ZNF365: variants seen among roughly 807,000 people sequenced by gnomAD.
ZNF365 encodes the protein protein ZNF365.
In ZNF365, 22 loss-of-function variants were observed where a neutral mutation model predicts 35.0. That is an observed-to-expected ratio of 0.63 (90% CI 0.45 to 0.90). ZNF365 has a LOEUF of 0.90. Among genes scored for constraint, ZNF365 ranks in the 40% least tolerant of loss-of-function variants. The pLI is 0.00. For synonymous variants in ZNF365, 188 were observed against 196.2 expected, an observed-to-expected ratio of 0.96 and a Z score of 0.35; for missense variants, 448 against 500.3, an observed-to-expected ratio of 0.90 and a Z score of 1.00.
intron 3 of ZNF365, among the ~76,000 whole-genome samples, chr10:62,458,495 C>T (rs535808301): frequency 2.2e-4 from 33 of 151,440 alleles, no homozygotes; most frequent in African/African-American, 7.5e-4. Context: ...CACACACACA[C>T]ACATATATAT....
At chr10:62,417,105 G>T (rs528086285) in intron 3 of ZNF365, among the ~76,000 whole-genome samples, 1 of 152,132 alleles carries the variant, frequency 6.6e-6, no homozygotes, top group South Asian at 2.1e-4. Context: ...TACTTACTTT[G>T]TTTACCAATG....
At chr10:62,397,430 CCAT>C (rs1839747895) in intron 3 of ZNF365, among the ~76,000 whole-genome samples, 1 of 152,144 alleles carries the variant, frequency 6.6e-6, no homozygotes, top group South Asian at 2.1e-4. Context: ...GGCCTTTTCT[CCAT>C]ATTTTATTTG....
intron 2 of ZNF365, among the ~76,000 whole-genome samples, chr10:62,385,151 C>G (rs1413041019): frequency 6.6e-6 from 1 of 152,168 alleles, no homozygotes; most frequent in Non-Finnish European, 1.5e-5. Flanking sequence ...AGGATACCAT[C>G]AAGCTTGTTT....
In ZNF365 at chr10:62,401,129, T is replaced by C. The variant is rs996527563; in HGVS notation, c.*1340T>C. ...AGGAATAATTTTGTCCACAAATATATACATATATACATATATATAACACAT... is the reference window on the plus strand; with the variant it reads ...AGGAATAATTTTGTCCACAAATATACACATATATACATATATATAACACAT... On this transcript the variant is annotated 3_prime_UTR_variant, in exon 5 of 5. Transcript: ENST00000395254. 5.4e-5 allele frequency: 52 copies of C among 964,782 alleles called. No individual in the cohort carries two copies. The highest frequency in any genetic ancestry group is 6.3e-5 in the Non-Finnish European group (51 of 811,384). 59.8% of individuals were successfully genotyped at this position (964,782 alleles called of 1,614,324 possible).
chr10:62,414,057 T>TTA (rs1055858558), intron 3 of ZNF365, among the ~76,000 whole-genome samples: 14 of 152,162 alleles, frequency 9.2e-5, no homozygotes, highest in South Asian at 2.1e-4. Context: ...AGCCAATAAA[T>TTA]TATATATATT....
chr10:62,480,234 C>G, exon 5 of ZNF365: 1 of 1,039,720 alleles, frequency 9.6e-7, no homozygotes, highest in Non-Finnish European at 1.2e-6. Flanking sequence ...TTCTATTTAG[C>G]TTGGGACATG....
intron 4 of ZNF365, among the ~76,000 whole-genome samples, chr10:62,467,580 G>T (rs1312965893): frequency 6.6e-6 from 1 of 152,168 alleles, no homozygotes; most frequent in Non-Finnish European, 1.5e-5. Context: ...GAGTGTACAG[G>T]TATATGATAT....
intron 4 of ZNF365, among the ~76,000 whole-genome samples, chr10:62,465,248 G>A (rs769008211): frequency 9.9e-5 from 15 of 152,218 alleles, no homozygotes; most frequent in South Asian, 2.1e-4. Flanking sequence ...CACACCAGTC[G>A]CCTCTCCAAC....
rs745724260 is a variant in ZNF365, at chr10:62,402,076, T to A, written c.*2287T>A. The A allele has an allele frequency of 1.6e-5, 16 of 985,886 alleles. No homozygotes were observed. Among genetic ancestry groups the A allele is most frequent in the Non-Finnish European group, 1.9e-5 (16 of 829,926 alleles). The allele number at this position is 985,886 out of a possible 1,614,324, so 61.1% of individuals were successfully genotyped here. ...ATACCATGGCCTGAGCTAAGTACCA[T>A]GTCCTGTTTGTGTCTTATTTTTAAA... On this transcript the variant is annotated 3_prime_UTR_variant, in exon 5 of 5. Coordinates refer to ENST00000395254, the MANE Select transcript of ZNF365 (RefSeq NM_014951.3).
At chr10:62,421,899 A>G (rs981396448) in intron 3 of ZNF365, among the ~76,000 whole-genome samples, 2 of 152,214 alleles carry the variant, frequency 1.3e-5, no homozygotes, top group Non-Finnish European at 1.5e-5. Context: ...TCTATAGCTG[A>G]TACTCAGCTA....
intron 4 of ZNF365, among the ~76,000 whole-genome samples, chr10:62,468,911 A>G (rs1840987142): frequency 6.6e-6 from 1 of 152,228 alleles, no homozygotes; most frequent in East Asian, 1.9e-4. Context: ...ACACCTTTCA[A>G]TGGGAATTGT....
At chr10:62,398,806 T>C in intron 4 of ZNF365, 29 bp downstream of exon 4, 1 of 1,591,106 alleles carries the variant, frequency 6.3e-7, no homozygotes, top group Non-Finnish European at 8.6e-7. Flanking sequence ...ACTTGGGCCA[T>C]TTGATAATGT....
downstream of ZNF365, among the ~76,000 whole-genome samples, chr10:62,407,255 A>G (rs1214201991): frequency 1.3e-5 from 2 of 152,182 alleles, no homozygotes; most frequent in Non-Finnish European, 2.9e-5. Context: ...GCTTCCCCAT[A>G]GTGGTTTGTG....
chr10:62,411,505 G>C lies in ZNF365; in HGVS notation c.924+22929G>C, dbSNP rs144183085. Among the ~76,000 whole-genome samples, 542 of 152,250 alleles carry C rather than the reference G, an allele frequency of 3.6e-3. 25 individuals carry two copies. The East Asian group carries it at 0.084, about 24-fold the overall frequency. On this transcript the variant is annotated intron_variant, in intron 3 of 4. Coordinates refer to the ZNF365 transcript ENST00000395255. ...CCAGTTTTCTGCATGTGGCTAGCCA[G>C]TTCTTCTGGCACTATTTATTAAATA...
At chr10:62,428,389 A>G (rs1465747237) in intron 3 of ZNF365, among the ~76,000 whole-genome samples, 1 of 152,008 alleles carries the variant, frequency 6.6e-6, no homozygotes, top group African/African-American at 2.4e-5. Context: ...CCCCCATGCT[A>G]TTCTCATGAT....
At chr10:62,457,578 A>G (rs756279454) in intron 3 of ZNF365, among the ~76,000 whole-genome samples, 1 of 152,258 alleles carries the variant, frequency 6.6e-6, no homozygotes, top group Non-Finnish European at 1.5e-5. Context: ...AGTGACAATT[A>G]TAACTTTAAA....
At position 62,376,088 on chromosome 10, in the gene ZNF365, C is replaced by G. The variant is rs1157489988; in HGVS notation, c.-13-93C>G. 1.1e-5 allele frequency: 16 copies of G among 1,404,562 alleles called. No homozygotes were observed. The East Asian group carries it at 1.1e-4, about 10-fold the overall frequency. 87.0% of individuals were successfully genotyped at this position (1,404,562 alleles called of 1,614,324 possible). ...ATTATGTGCAAAAGTCACTTGAAACCAAAAAGCCTCTGCTGTCATGGAGAT... is the reference window on the plus strand; with the variant it reads ...ATTATGTGCAAAAGTCACTTGAAACGAAAAAGCCTCTGCTGTCATGGAGAT... On this transcript the variant is annotated intron_variant, in intron 1 of 4. Transcript: ENST00000395254.
At chr10:62,477,864 C>G (rs1424324842) in intron 4 of ZNF365, among the ~76,000 whole-genome samples, 1 of 152,202 alleles carries the variant, frequency 6.6e-6, no homozygotes, top group Admixed American at 6.5e-5. Flanking sequence ...CATGGCTACT[C>G]TTGAATTCAA....
At position 62,425,801 on chromosome 10, in the gene ZNF365, T is replaced by A. The variant is rs557352108; in HGVS notation, c.925-33940T>A. On this transcript the variant is annotated intron_variant, in intron 3 of 4. Transcript: ENST00000395255. ...TTCTTATTTATCTGGTTATTGTTCA[T>A]TTATCACCATTAGAAGACAAGGTCT... is the stretch of plus-strand genomic sequence containing the variant. Among the ~76,000 whole-genome samples, 18 of 152,318 alleles carry A rather than the reference T, an allele frequency of 1.2e-4. No homozygotes were observed. The East Asian group carries it at 3.3e-3, about 28-fold the overall frequency.
Sources: gnomAD v4.1 joint callset for allele counts (sites outside exome capture counted in the v4.1 genomes callset) on GRCh38, gnomAD v4.1.1 for gene constraint, MANE v1.5 for transcripts, NCBI Gene and HGNC (gene_info 2026-07-23, HGNC 2026-07-21) for gene names.